The following TMEM192 variants were observed in gnomAD, a reference collection of about 807,000 sequenced individuals.
TMEM192 encodes the protein transmembrane protein 192.
TMEM192 carries 20 observed loss-of-function variants against 26.7 expected under a neutral mutation model. The observed-to-expected ratio is 0.75, with a 90% CI of 0.53 to 1.09. The LOEUF is 1.09. Among genes scored for constraint, TMEM192 ranks in the 50% least tolerant of loss-of-function variants. TMEM192 has a pLI of 0.00. For synonymous variants in TMEM192, 124 were observed against 121.0 expected (o/e 1.02, Z -0.16); for missense variants, 304 against 322.6 (o/e 0.94, Z 0.44).
At chr4:165,089,514 A>G (rs1345810123) in intron 3 of TMEM192, among the ~76,000 whole-genome samples, 1 of 152,062 alleles carries the variant, frequency 6.6e-6, no homozygotes, top group Non-Finnish European at 1.5e-5. Context: ...TAGTAGAGAC[A>G]GGGTTTCACC....
intron 3 of TMEM192, among the ~76,000 whole-genome samples, chr4:165,091,727 T>C (rs1734768740): frequency 6.6e-6 from 1 of 152,130 alleles, no homozygotes; most frequent in South Asian, 2.1e-4. Context: ...ATAATACAAC[T>C]ATATAAAAAC....
chr4:165,079,940 C>A, intron 5 of TMEM192, 144 bp from the exon 6 acceptor site: 1 of 621,450 alleles, frequency 1.6e-6, no homozygotes, highest in Non-Finnish European at 2.5e-6. Context: ...GTAATATTGC[C>A]AAATAAGATT....
rs1348180160 is a variant in TMEM192 at position 165,078,332 on chromosome 4, A to G, written c.*1326T>C. On this transcript the variant is annotated 3_prime_UTR_variant, in exon 6 of 6. Transcript: ENST00000306480. ...CAACCAAAAGTCTTTCTAAGGCAGC[A>G]TATAACAGTGCTAACAGCAAACTGA... 2.6e-5 allele frequency: 4 copies of G among 152,212 alleles called. No homozygotes were observed. The allele number at this position is 152,212 out of a possible 1,614,324, so 9.4% of individuals were successfully genotyped here.
At chr4:165,084,750 A>C (rs1232077936) in intron 5 of TMEM192, among the ~76,000 whole-genome samples, 1 of 150,688 alleles carries the variant, frequency 6.6e-6, no homozygotes, top group Non-Finnish European at 1.5e-5. Flanking sequence ...CGCTACTAAA[A>C]ATACAAAAAT....
At chr4:165,108,408 A>G (rs112874186) in intron 1 of TMEM192, among the ~76,000 whole-genome samples, 7,815 of 152,092 alleles carry the variant, frequency 0.051, 675 homozygotes, top group African/African-American at 0.18. Flanking sequence ...GGCATGAGCC[A>G]CCGCACCCGG....
At chr4:165,097,451 G>A (rs1303380612) in intron 3 of TMEM192, among the ~76,000 whole-genome samples, 22 of 134,520 alleles carry the variant, frequency 1.6e-4, no homozygotes, top group African/African-American at 4.4e-4. Flanking sequence ...CCGAGATAGC[G>A]CCACTGCACT....
rs79715300 is a variant in TMEM192 at position 165,071,879 on chromosome 4, C to T, written c.*7779G>A. On this transcript the variant is annotated 3_prime_UTR_variant, in exon 6 of 6. Transcript: ENST00000306480. ...TGTTTTAGAAGGATATTGTTGGCTG[C>T]TTTTTGTGTGTGTGCATGGGGCTGG... 1.8e-3 allele frequency: 279 copies of T among 152,576 alleles called. 6 individuals carry two copies. The South Asian group carries it at 0.033, about 18-fold the overall frequency. The allele number at this position is 152,576 out of a possible 1,614,324, so 9.5% of individuals were successfully genotyped here. A position where few individuals can be genotyped will look rare whatever the true frequency, so the allele number is the denominator to read the frequency against.
At chr4:165,092,112 CTTTTTTTTTTTTTTTTTT>C (rs35641833) in intron 3 of TMEM192, among the ~76,000 whole-genome samples, 1 of 72,074 alleles carries the variant, frequency 1.4e-5, no homozygotes, top group Non-Finnish European at 2.3e-5. Flanking sequence ...TAATGCTGTT[CTTTTTTTTTTTTTTTTTT>C]TTTTTTTTTG....
intron 1 of TMEM192, among the ~76,000 whole-genome samples, chr4:165,111,995 G>A (rs1220257605): frequency 1.3e-5 from 2 of 152,156 alleles, no homozygotes; most frequent in Non-Finnish European, 1.5e-5. Flanking sequence ...AACACCTTAC[G>A]ATACTGAAGC....
intron 3 of TMEM192, among the ~76,000 whole-genome samples, chr4:165,092,445 G>A (rs1453515712): frequency 1.3e-5 from 2 of 152,004 alleles, no homozygotes; most frequent in Non-Finnish European, 2.9e-5. Context: ...TAGGGAGTGA[G>A]TTAGTATGTA....
At chr4:165,096,181 G>A (rs1308249353) in intron 3 of TMEM192, among the ~76,000 whole-genome samples, 1 of 151,938 alleles carries the variant, frequency 6.6e-6, no homozygotes, top group African/African-American at 2.4e-5. Context: ...GCCAAGGGGA[G>A]CGGATCACCT....
At chr4:165,089,345 G>T (rs528418199) in intron 3 of TMEM192, among the ~76,000 whole-genome samples, 1 of 152,028 alleles carries the variant, frequency 6.6e-6, no homozygotes, top group East Asian at 1.9e-4. Flanking sequence ...TTTGGAGACG[G>T]AGTCTCACTC....
At chr4:165,106,365 C>G (rs1024176652) in intron 1 of TMEM192, among the ~76,000 whole-genome samples, 1 of 152,270 alleles carries the variant, frequency 6.6e-6, no homozygotes, top group South Asian at 2.1e-4. Context: ...TTCACTGCTC[C>G]AAGACAAACA....
At chr4:165,112,167 A>G (rs1455225159) in intron 1 of TMEM192, among the ~76,000 whole-genome samples, 3 of 152,218 alleles carry the variant, frequency 2.0e-5, no homozygotes, top group Non-Finnish European at 4.4e-5. Flanking sequence ...GCTAGATTCA[A>G]AACAACACAT....
At chr4:165,109,654 C>T (rs915861274) in intron 1 of TMEM192, among the ~76,000 whole-genome samples, 35 of 152,192 alleles carry the variant, frequency 2.3e-4, no homozygotes, top group East Asian at 9.6e-4. Context: ...CGTGAGCCAC[C>T]GCACCTGGCC....
intron 1 of TMEM192, chr4:165,111,806 T>C (rs1463722557): frequency 6.6e-6 from 1 of 152,240 alleles, no homozygotes; most frequent in East Asian, 1.9e-4. Context: ...ATGTTTCTCT[T>C]CCTTTTCCTG....
chr4:165,088,442 A>G lies in TMEM192; in HGVS notation c.574+26T>C, dbSNP rs748729169. On this transcript the variant is annotated intron_variant, in intron 4 of 5. Transcript: ENST00000306480. Reference sequence around the variant, plus strand: ...AAAGGAAGCAGTTCGAAGTTCCTATAAGAACAGGCTCGTTGTAATTCTCAC... The same window carrying G: ...AAAGGAAGCAGTTCGAAGTTCCTATGAGAACAGGCTCGTTGTAATTCTCAC... 39 of 1,601,272 alleles carry G rather than the reference A, an allele frequency of 2.4e-5. 1 individual carries two copies. The East Asian group carries it at 8.7e-4, about 36-fold the overall frequency.
In TMEM192 at chr4:165,071,855, G is replaced by A. The variant is rs1734278953; in HGVS notation, c.*7803C>T. 1 of 152,406 alleles carries A rather than the reference G, an allele frequency of 6.6e-6. No homozygotes were observed. The highest frequency in any genetic ancestry group is 1.5e-5 in the Non-Finnish European group (1 of 68,208). 9.4% of individuals were successfully genotyped at this position (152,406 alleles called of 1,614,324 possible). ...TGAAAAAGGGAACCATCAGAGTAGT[G>A]TTTTAGAAGGATATTGTTGGCTGCT... On this transcript the variant is annotated 3_prime_UTR_variant, in exon 6 of 6. Coordinates refer to ENST00000306480, the MANE Select transcript of TMEM192 (RefSeq NM_001100389.2).
At chr4:165,089,574 C>A (rs10084778) in intron 3 of TMEM192, among the ~76,000 whole-genome samples, 127,505 of 152,090 alleles carry the variant, frequency 0.84, 54,601 homozygotes, top group East Asian at 0.95. Context: ...CGGCCCGCCT[C>A]GGCCTCCCAA....
Sources: gnomAD v4.1 joint callset for allele counts (sites outside exome capture counted in the v4.1 genomes callset) on GRCh38, gnomAD v4.1.1 for gene constraint, MANE v1.5 for transcripts, NCBI Gene and HGNC (gene_info 2026-07-23, HGNC 2026-07-21) for gene names.